Variants in LUC7L2 observed in about 807,000 individuals in gnomAD.
The protein encoded by LUC7L2 is putative RNA-binding protein Luc7-like 2.
In LUC7L2, 25 loss-of-function variants were observed where a neutral mutation model predicts 52.8. The observed-to-expected ratio is 0.47, with a 90% CI of 0.34 to 0.66. The LOEUF (loss-of-function observed/expected upper bound fraction) is 0.66, where lower values mean the gene tolerates loss of function less well. LUC7L2 is among the 30% of genes least tolerant of loss of function. The probability of loss-of-function intolerance (pLI) is 0.01; values close to 1 mark genes in which losing one functional copy is unlikely to be tolerated. For missense variants in LUC7L2, 328 were observed against 497.8 expected (o/e 0.66, Z 3.25); for synonymous variants, 144 against 160.9 (o/e 0.89, Z 0.80).
At chr7:139,340,690 G>C (rs1020140382) in intron 1 of LUC7L2, 2 of 392,850 alleles carry the variant, frequency 5.1e-6, no homozygotes, top group Non-Finnish European at 4.5e-6. Flanking sequence ...TGAGCGCGTC[G>C]TTTGCAGAAG....
At chr7:139,413,947 CTG>C (rs1480207166) in intron 8 of LUC7L2, among the ~76,000 whole-genome samples, 1 of 152,156 alleles carries the variant, frequency 6.6e-6, no homozygotes, top group Non-Finnish European at 1.5e-5. Context: ...AAACATTAAA[CTG>C]TGATACTGTT....
At chr7:139,341,236 CA>C in intron 1 of LUC7L2, 1 of 1,376,008 alleles carries the variant, frequency 7.3e-7, no homozygotes, top group Non-Finnish European at 9.6e-7. Flanking sequence ...AAGGTTCGGT[CA>C]ACGGACAAGT....
chr7:139,417,319 G>T, intron 8 of LUC7L2: 2 of 534,686 alleles, frequency 3.7e-6, no homozygotes, highest in East Asian at 7.3e-5. Context: ...GGGATTACAG[G>T]TGTGAGCCAC....
intron 9 of LUC7L2, among the ~76,000 whole-genome samples, chr7:139,419,556 GA>G (rs1795792344): frequency 6.6e-6 from 1 of 152,206 alleles, no homozygotes; most frequent in Admixed American, 6.5e-5. Flanking sequence ...CCTGCTAGGT[GA>G]TGGAAGGTTT....
chr7:139,360,279 G>A lies in LUC7L2; in HGVS notation c.18G>A (p.Gln6=), dbSNP rs1385558161. Residue 6 remains glutamine, a synonymous_variant, in exon 1 of 10, where the codon CAG becomes CAA. Coordinates refer to ENST00000354926, the MANE Select transcript of LUC7L2 (RefSeq NM_016019.5). MSAQA[Q]MRAMLDQLMG... Reference sequence around the variant, plus strand: ...CCGCCGCCATGTCGGCGCAGGCCCAGATGCGCGCGATGCTGGACCAGTTGA... The same window carrying A: ...CCGCCGCCATGTCGGCGCAGGCCCAAATGCGCGCGATGCTGGACCAGTTGA... 2 of 1,568,408 alleles carry A rather than the reference G, an allele frequency of 1.3e-6. No individual in the cohort carries two copies. Among genetic ancestry groups the A allele is most frequent in the South Asian group, 1.2e-5 (1 of 85,552 alleles).
chr7:139,385,137 A>G (rs1371328380), intron 2 of LUC7L2, among the ~76,000 whole-genome samples: 2 of 152,078 alleles, frequency 1.3e-5, no homozygotes, highest in East Asian at 1.9e-4. Context: ...TCATATGGGT[A>G]TGGCGGACTG....
At chr7:139,405,527 T>C (rs1795080925) in intron 4 of LUC7L2, 117 bp from the exon 5 acceptor site, 2 of 1,301,242 alleles carry the variant, frequency 1.5e-6, no homozygotes, top group Non-Finnish European at 1.0e-6. Flanking sequence ...TCAGAAAGCA[T>C]TCTTTAACCA....
chr7:139,347,137 G>A (rs2131149954), intron 1 of LUC7L2, among the ~76,000 whole-genome samples: 1 of 152,002 alleles, frequency 6.6e-6, no homozygotes, highest in East Asian at 1.9e-4. Flanking sequence ...GTTTCTTCTG[G>A]TAGGTAGATA....
At chr7:139,407,459 A>G in intron 6 of LUC7L2, 109 bp downstream of exon 6, 1 of 1,273,312 alleles carries the variant, frequency 7.9e-7, no homozygotes, top group Non-Finnish European at 1.0e-6. Context: ...GTATCTAATG[A>G]TTAATACTAA....
Position 139,341,382 on chromosome 7 carries a change from A to C in LUC7L2, c.-26+865A>C, listed in dbSNP as rs1290153734. On this transcript the variant is annotated intron_variant, in intron 1 of 10. Coordinates refer to the LUC7L2 transcript ENST00000541170. ...GGCACCACGCTCGGAGAAGGACAGGACAATGGCGGCCTTAGGGTCCCCGTC... is the reference window on the plus strand; with the variant it reads ...GGCACCACGCTCGGAGAAGGACAGGCCAATGGCGGCCTTAGGGTCCCCGTC... 3.1e-6 allele frequency: 5 copies of C among 1,612,338 alleles called. No homozygotes were observed. In the Admixed American group the frequency reaches 8.3e-5, roughly 27 times the overall value.
At chr7:139,376,290 G>T in intron 2 of LUC7L2, 134 bp downstream of exon 2, 1 of 885,586 alleles carries the variant, frequency 1.1e-6, no homozygotes, top group South Asian at 2.0e-5. Context: ...TGTTTATTCA[G>T]GATGATTACT....
rs150876817 is a variant in LUC7L2 at position 139,375,268 on chromosome 7, T to A, written c.62-794T>A. ...ATATTTGATAAGCAGGTTGGATGCTTCTGTTGCTTAGGAGGTAGGTGTATT... is the reference window on the plus strand; with the variant it reads ...ATATTTGATAAGCAGGTTGGATGCTACTGTTGCTTAGGAGGTAGGTGTATT... On this transcript the variant is annotated intron_variant, in intron 1 of 9. Transcript: ENST00000354926. The A allele has an allele frequency of 9.1e-6, 9 of 985,180 alleles. No individual in the cohort carries two copies. In the East Asian group the frequency reaches 1.0e-3, roughly 112 times the overall value. 61.0% of individuals were successfully genotyped at this position (985,180 alleles called of 1,614,324 possible). A position where few individuals can be genotyped will look rare whatever the true frequency, so the allele number is the denominator to read the frequency against.
intron 4 of LUC7L2, among the ~76,000 whole-genome samples, 154 bp downstream of exon 4, chr7:139,402,401 T>C (rs1195015681): frequency 6.6e-6 from 1 of 152,252 alleles, no homozygotes; most frequent in Admixed American, 6.5e-5. Context: ...AAACATCTTA[T>C]ACAATATAGT....
chr7:139,421,061 A>C (rs1326568576), intron 9 of LUC7L2, among the ~76,000 whole-genome samples: 3 of 152,196 alleles, frequency 2.0e-5, no homozygotes, highest in Non-Finnish European at 4.4e-5. Flanking sequence ...TTGGCCTCCC[A>C]AAGTGCTGGG....
intron 6 of LUC7L2, among the ~76,000 whole-genome samples, chr7:139,407,882 C>T (rs1488030597): frequency 6.6e-6 from 1 of 152,078 alleles, no homozygotes; most frequent in Non-Finnish European, 1.5e-5. Flanking sequence ...GTGGGGAAGA[C>T]AACACAGTTT....
intron 2 of LUC7L2, among the ~76,000 whole-genome samples, chr7:139,394,131 A>G (rs1463998230): frequency 6.6e-6 from 1 of 152,204 alleles, no homozygotes; most frequent in Non-Finnish European, 1.5e-5. Context: ...AGATAATCCA[A>G]GGAGAGGCTA....
In LUC7L2 at chr7:139,422,644, T is replaced by G. The variant is rs1455535450; in HGVS notation, c.*304T>G. On this transcript the variant is annotated 3_prime_UTR_variant, in exon 10 of 10. Coordinates refer to ENST00000354926, the MANE Select transcript of LUC7L2 (RefSeq NM_016019.5). ...ACAAATTGTGTTACTTGCCTTGGGA[T>G]TTTTTGAACGTTTGTAAAATGCTGT... 1 of 499,238 alleles carries G rather than the reference T, an allele frequency of 2.0e-6. No individual in the cohort carries two copies. Among genetic ancestry groups the G allele is most frequent in the Admixed American group, 4.2e-5 (1 of 23,636 alleles). 30.9% of individuals were successfully genotyped at this position (499,238 alleles called of 1,614,324 possible). A position where few individuals can be genotyped will look rare whatever the true frequency, so the allele number is the denominator to read the frequency against.
At chr7:139,396,923 C>A (rs1260176071) in intron 2 of LUC7L2, among the ~76,000 whole-genome samples, 1 of 152,044 alleles carries the variant, frequency 6.6e-6, no homozygotes, top group Non-Finnish European at 1.5e-5. Context: ...ATATTTATTT[C>A]TTTTAAATTT....
intron 2 of LUC7L2, among the ~76,000 whole-genome samples, chr7:139,386,392 C>T (rs996437672): frequency 6.7e-6 from 1 of 150,280 alleles, no homozygotes; most frequent in African/African-American, 2.5e-5. Flanking sequence ...ATATTTTTCT[C>T]TGTCACTGGA....
Sources: gnomAD v4.1 joint callset for allele counts (sites outside exome capture counted in the v4.1 genomes callset) on GRCh38, gnomAD v4.1.1 for gene constraint, MANE v1.5 for transcripts, NCBI Gene and HGNC (gene_info 2026-07-23, HGNC 2026-07-21) for gene names.